TFAP2C: variants seen among roughly 807,000 people sequenced by gnomAD.
TFAP2C encodes activating enhancer-binding protein 2 gamma.
TFAP2C carries 9 observed loss-of-function variants against 42.9 expected under a neutral mutation model. The ratio of observed to expected loss-of-function variants is 0.21; its 90% CI spans 0.13 to 0.37. The LOEUF (loss-of-function observed/expected upper bound fraction) is 0.37, where lower values mean the gene tolerates loss of function less well. Ranked by LOEUF, TFAP2C falls within the 10% of genes least tolerant of loss-of-function variation. The pLI is 1.00. For synonymous variants in TFAP2C, 264 were observed against 256.0 expected (o/e 1.03, Z -0.30); for missense variants, 462 against 591.7 (o/e 0.78, Z 2.27).
Position 56,631,727 on chromosome 20 carries a change from C to G in TFAP2C, c.534+37C>G. 6.2e-7 allele frequency: 1 copy of G among 1,610,510 alleles called. No individual in the cohort carries two copies. The highest frequency in any genetic ancestry group is 8.5e-7 in the Non-Finnish European group (1 of 1,178,876). On this transcript the variant is annotated intron_variant, in intron 2 of 6. Transcript: ENST00000201031. The surrounding 1 kb of genome is among the most constrained non-coding windows in gnomAD (Gnocchi z 6.1). ...TGCGGCTCCTGACCGGACCTGTTCA[C>G]CCTACGGCCTTCTGCCCCCACCCCG...
In TFAP2C at chr20:56,631,214, G is replaced by T. The variant is rs754620437; in HGVS notation, c.58G>T (p.Asp20Tyr). ...KYEEDCEDRHDGSSNGNPRVP... is the reference protein window; with the variant it reads ...KYEEDCEDRHYGSSNGNPRVP... ...TTTTTTTTCCCTCCAGGATCGCCAC[G>T]ACGGGAGCAGCAATGGGAATCCGCG... Residue 20 changes from aspartate to tyrosine, a missense_variant, in exon 2 of 7, where the codon GAC becomes TAC. Physicochemically the swap from Asp to Tyr is radical, Grantham distance 160. Transcript: ENST00000201031. This position sits in a 1 kb window ranked among gnomAD's most constrained non-coding sequence, Gnocchi z 6.1. 2.3e-5 allele frequency: 35 copies of T among 1,519,410 alleles called. No homozygotes were observed. Among genetic ancestry groups the T allele is most frequent in the Non-Finnish European group, 3.0e-5 (34 of 1,134,806 alleles). 94.1% of individuals were successfully genotyped at this position (1,519,410 alleles called of 1,614,324 possible).
At chr20:56,634,978 T>C (rs1427752947) in intron 5 of TFAP2C, among the ~76,000 whole-genome samples, 2 of 152,260 alleles carry the variant, frequency 1.3e-5, no homozygotes, top group African/African-American at 4.8e-5. Context: ...AGCATGTTGT[T>C]ACTGCTCCCG....
At chr20:56,637,107 T>G (rs1178106922) in intron 6 of TFAP2C, among the ~76,000 whole-genome samples, 4 of 152,222 alleles carry the variant, frequency 2.6e-5, no homozygotes, top group Non-Finnish European at 4.4e-5. Flanking sequence ...GCCTTCTACC[T>G]CCTGATAGCA....
chr20:56,637,816 A>C lies in TFAP2C; in HGVS notation c.1156A>C (p.Ile386Leu). Residue 386 changes from isoleucine to leucine, a missense_variant, in exon 7 of 7, where the codon ATA becomes CTA. By Grantham distance (5) the Ile-to-Leu change is conservative (BLOSUM62 2). Transcript: ENST00000201031. ...GCTCGCCCCAGTCTTGGAGACGAAC[A>C]TACAGAACTGCTTGTCTCATTTCAG... ...SRLAPVLETN[I>L]QNCLSHFSLI... is the part of the protein sequence containing the mutation. The C allele has an allele frequency of 6.2e-7, 1 of 1,613,514 alleles. No individual in the cohort carries two copies. Among genetic ancestry groups the C allele is most frequent in the Non-Finnish European group, 8.5e-7 (1 of 1,179,436 alleles).
Position 56,629,494 on chromosome 20 carries a change from T to C in TFAP2C, c.-51T>C. ...GATTTTGGATTTACCGCTTGGGGGC[T>C]GGGGGGATCCTGGATTTAACTGGCG... On this transcript the variant is annotated 5_prime_UTR_variant, in exon 1 of 7. Coordinates refer to ENST00000201031, the MANE Select transcript of TFAP2C (RefSeq NM_003222.4). The surrounding 1 kb of genome is among the most constrained non-coding windows in gnomAD (Gnocchi z 5.9). The C allele has an allele frequency of 7.3e-7, 1 of 1,375,620 alleles. No individual in the cohort carries two copies. The allele number at this position is 1,375,620 out of a possible 1,614,324, so 85.2% of individuals were successfully genotyped here.
intron 3 of TFAP2C, among the ~76,000 whole-genome samples, chr20:56,632,804 CAG>C (rs1328725126): frequency 6.6e-6 from 1 of 150,778 alleles, no homozygotes; most frequent in Admixed American, 6.6e-5. Flanking sequence ...AAATAGTTTT[CAG>C]CAGCTGCTAG....
rs562889357 is a variant in TFAP2C at position 56,633,155 on chromosome 20, C to T, written c.587-198C>T. Reference sequence around the variant, plus strand: ...GAGGCTGCAGTGAGCAGAGATCACACCACTGCACTCCAGCCTGGGCCACAG... The same window carrying T: ...GAGGCTGCAGTGAGCAGAGATCACATCACTGCACTCCAGCCTGGGCCACAG... On this transcript the variant is annotated intron_variant, in intron 3 of 6. Coordinates refer to ENST00000201031, the MANE Select transcript of TFAP2C (RefSeq NM_003222.4). 4.0e-5 allele frequency among the ~76,000 whole-genome samples: 6 copies of T among 151,394 alleles called. No individual in the cohort carries two copies. The South Asian group carries it at 8.4e-4, about 21-fold the overall frequency.
In TFAP2C at chr20:56,631,972, T is replaced by A; in HGVS notation, c.586+116T>A. 1 of 1,157,306 alleles carries A rather than the reference T, an allele frequency of 8.6e-7. No homozygotes were observed. 71.7% of individuals were successfully genotyped at this position (1,157,306 alleles called of 1,614,324 possible). ...GTGGGACATTTGTGGTAGAAGGGAC[T>A]GAAAGGGATTCATGGAAGCTAGATT... is the stretch of plus-strand genomic sequence containing the variant. On this transcript the variant is annotated intron_variant, in intron 3 of 6. Coordinates refer to ENST00000201031, the MANE Select transcript of TFAP2C (RefSeq NM_003222.4). The surrounding 1 kb of genome is among the most constrained non-coding windows in gnomAD (Gnocchi z 6.1).
Position 56,631,084 on chromosome 20 carries a change from C to A in TFAP2C, c.49-121C>A, listed in dbSNP as rs1481509029. On this transcript the variant is annotated intron_variant, in intron 1 of 6. Coordinates refer to ENST00000201031, the MANE Select transcript of TFAP2C (RefSeq NM_003222.4). The surrounding 1 kb of genome is among the most constrained non-coding windows in gnomAD (Gnocchi z 6.1). Reference sequence around the variant, plus strand: ...CGGGTACCTTCCGACCCTGGGCAAGCCCCGCCGGGCGGGGTGCGGTTGGTC... The same window carrying A: ...CGGGTACCTTCCGACCCTGGGCAAGACCCGCCGGGCGGGGTGCGGTTGGTC... 6.9e-7 allele frequency: 1 copy of A among 1,440,418 alleles called. No homozygotes were observed. Among genetic ancestry groups the A allele is most frequent in the African/African-American group, 1.5e-5 (1 of 67,718 alleles). The allele number at this position is 1,440,418 out of a possible 1,614,324, so 89.2% of individuals were successfully genotyped here. A position where few individuals can be genotyped will look rare whatever the true frequency, so the allele number is the denominator to read the frequency against.
chr20:56,630,433 G>A lies in TFAP2C; in HGVS notation c.49-772G>A. The A allele has an allele frequency of 7.1e-6, 3 of 424,622 alleles. No homozygotes were observed. The highest frequency in any genetic ancestry group is 1.6e-5 in the South Asian group (1 of 61,060). 26.3% of individuals were successfully genotyped at this position (424,622 alleles called of 1,614,324 possible). ...ACGCATCCTTTAGAAACTGAGTCGG[G>A]CCGCCCAGGGGCGAGGGAACGTGCG... is the stretch of plus-strand genomic sequence containing the variant. On this transcript the variant is annotated intron_variant, in intron 1 of 6. Coordinates refer to ENST00000201031, the MANE Select transcript of TFAP2C (RefSeq NM_003222.4). This position sits in a 1 kb window ranked among gnomAD's most constrained non-coding sequence, Gnocchi z 5.1.
At position 56,638,194 on chromosome 20, in the gene TFAP2C, G is replaced by T; in HGVS notation, c.*181G>T. Reference sequence around the variant, plus strand: ...CCTGGACTTCTTAGTTGTTTCTCTAGCGCTGAGCTATCTCCTAACTTTGGA... The same window carrying T: ...CCTGGACTTCTTAGTTGTTTCTCTATCGCTGAGCTATCTCCTAACTTTGGA... On this transcript the variant is annotated 3_prime_UTR_variant, in exon 7 of 7. Transcript: ENST00000201031. 3.4e-6 allele frequency: 2 copies of T among 596,284 alleles called. No homozygotes were observed. The highest frequency in any genetic ancestry group is 4.4e-4 in the Middle Eastern group (1 of 2,256). 36.9% of individuals were successfully genotyped at this position (596,284 alleles called of 1,614,324 possible). A position where few individuals can be genotyped will look rare whatever the true frequency, so the allele number is the denominator to read the frequency against.
At chr20:56,637,346 C>A (rs1987603188) in intron 6 of TFAP2C, among the ~76,000 whole-genome samples, 1 of 152,186 alleles carries the variant, frequency 6.6e-6, no homozygotes. Context: ...CTTCCTTCTC[C>A]CGGTTCCTCA....
intron 4 of TFAP2C, 85 bp from the exon 5 acceptor site, chr20:56,634,065 T>C: frequency 1.1e-6 from 1 of 883,388 alleles, no homozygotes; most frequent in Non-Finnish European, 1.9e-6. Flanking sequence ...ACAGCAGCAC[T>C]TTAGGAGTTT....
chr20:56,629,417 C>G lies in TFAP2C; in HGVS notation c.-128C>G, dbSNP rs1451724018. 3.8e-6 allele frequency: 3 copies of G among 794,550 alleles called. No homozygotes were observed. The highest frequency in any genetic ancestry group is 5.4e-6 in the Non-Finnish European group (3 of 554,916). 49.2% of individuals were successfully genotyped at this position (794,550 alleles called of 1,614,324 possible). On this transcript the variant is annotated 5_prime_UTR_variant, in exon 1 of 7. Transcript: ENST00000201031. This position sits in a 1 kb window ranked among gnomAD's most constrained non-coding sequence, Gnocchi z 5.9. ...GATGCGTGTCCAGTGACCCGGACAG[C>G]AAGGCCCGCGCGCGGCGGGGGCGGC... is the stretch of plus-strand genomic sequence containing the variant.
In TFAP2C at chr20:56,629,599, T is replaced by A. The variant is rs1395194434; in HGVS notation, c.48+7T>A. 7.1e-7 allele frequency: 1 copy of A among 1,409,088 alleles called. No homozygotes were observed. Among genetic ancestry groups the A allele is most frequent in the Non-Finnish European group, 9.2e-7 (1 of 1,081,958 alleles). 87.3% of individuals were successfully genotyped at this position (1,409,088 alleles called of 1,614,324 possible). ...GTACGAAGAGGACTGCGAGGTGAGC[T>A]GGGGCTCCGGGGTGCAGCCCCGCCC... On this transcript the variant is annotated splice_region_variant and intron_variant, in intron 1 of 6. Transcript: ENST00000201031. This position sits in a 1 kb window ranked among gnomAD's most constrained non-coding sequence, Gnocchi z 5.9.
In TFAP2C at chr20:56,629,695, T is replaced by G. The variant is rs1258698882; in HGVS notation, c.48+103T>G. ...GGACGAGGGCATAGGAGCCCTGGCCTCTCGGTGGGACGGGATCCACTTCTC... is the reference window on the plus strand; with the variant it reads ...GGACGAGGGCATAGGAGCCCTGGCCGCTCGGTGGGACGGGATCCACTTCTC... On this transcript the variant is annotated intron_variant, in intron 1 of 6. Transcript: ENST00000201031. This position sits in a 1 kb window ranked among gnomAD's most constrained non-coding sequence, Gnocchi z 5.9. 1 of 895,216 alleles carries G rather than the reference T, an allele frequency of 1.1e-6. No homozygotes were observed. The highest frequency in any genetic ancestry group is 1.7e-5 in the African/African-American group (1 of 58,252). 55.5% of individuals were successfully genotyped at this position (895,216 alleles called of 1,614,324 possible).
Position 56,633,406 on chromosome 20 carries a change from G to A in TFAP2C, c.640G>A (p.Val214Met). Residue 214 changes from valine to methionine, a missense_variant, in exon 4 of 7, where the codon GTG becomes ATG. Val to Met is a conservative substitution (Grantham distance 21). Coordinates refer to ENST00000201031, the MANE Select transcript of TFAP2C (RefSeq NM_003222.4). ...PLNLPCQKEL[V>M]GAVMNPTEVF... ...GAACCTCCCCTGTCAGAAGGAGCTG[G>A]TGGGGGCCGTAATGAACCCCACTGA... 6.2e-7 allele frequency: 1 copy of A among 1,614,110 alleles called. No homozygotes were observed. The highest frequency in any genetic ancestry group is 8.5e-7 in the Non-Finnish European group (1 of 1,180,018).
At chr20:56,636,871 G>A in intron 6 of TFAP2C, 117 bp downstream of exon 6, 1 of 1,299,656 alleles carries the variant, frequency 7.7e-7, no homozygotes, top group Non-Finnish European at 1.0e-6. Flanking sequence ...AATAAATTAG[G>A]GTGGAGCAAA....
chr20:56,631,698 G>T lies in TFAP2C; in HGVS notation c.534+8G>T. On this transcript the variant is annotated splice_region_variant and intron_variant, in intron 2 of 6. Coordinates refer to ENST00000201031, the MANE Select transcript of TFAP2C (RefSeq NM_003222.4). The surrounding 1 kb of genome is among the most constrained non-coding windows in gnomAD (Gnocchi z 6.1). Reference sequence around the variant, plus strand: ...CAGATGGACGAGGTGCAGGTGAGCGGCGCTGCGGCTCCTGACCGGACCTGT... The same window carrying T: ...CAGATGGACGAGGTGCAGGTGAGCGTCGCTGCGGCTCCTGACCGGACCTGT... 2 of 1,594,636 alleles carry T rather than the reference G, an allele frequency of 1.3e-6. No homozygotes were observed.
Sources: gnomAD v4.1 joint callset for allele counts (sites outside exome capture counted in the v4.1 genomes callset) on GRCh38, gnomAD v4.1.1 for gene constraint, Gnocchi (gnomAD v3.1) non-coding constraint, MANE v1.5 for transcripts, NCBI Gene and HGNC (gene_info 2026-07-23, HGNC 2026-07-21) for gene names.